Variants in PTPRJ observed in about 807,000 individuals in gnomAD.
The protein encoded by PTPRJ is protein tyrosine phosphatase receptor type J.
Under a neutral mutation model 141.3 loss-of-function variants are expected in PTPRJ, and 129 were observed. The ratio of observed to expected loss-of-function variants is 0.91; its 90% CI spans 0.79 to 1.06. The LOEUF is 1.06. PTPRJ is among the 50% of genes least tolerant of loss of function. The probability of loss-of-function intolerance (pLI) is 0.00; values close to 1 mark genes in which losing one functional copy is unlikely to be tolerated. For missense variants in PTPRJ, 1,601 were observed against 1,679.7 expected, an observed-to-expected ratio of 0.95 and a Z score of 0.82; for synonymous variants, 610 against 640.5, an observed-to-expected ratio of 0.95 and a Z score of 0.72.
At chr11:47,987,897 G>A (rs1854090992) in intron 1 of PTPRJ, among the ~76,000 whole-genome samples, 1 of 152,188 alleles carries the variant, frequency 6.6e-6, no homozygotes, top group Admixed American at 6.5e-5. Context: ...TTTTGAAAAC[G>A]AGGCAGTGTC....
intron 1 of PTPRJ, among the ~76,000 whole-genome samples, chr11:48,092,226 C>T (rs1020350983): frequency 5.1e-5 from 6 of 118,728 alleles, no homozygotes; most frequent in East Asian, 3.0e-4. Flanking sequence ...ACCTGGGAGG[C>T]GGGGGTTGCA....
At chr11:48,001,533 G>A (rs1854499438) in intron 1 of PTPRJ, among the ~76,000 whole-genome samples, 1 of 151,962 alleles carries the variant, frequency 6.6e-6, no homozygotes, top group African/African-American at 2.4e-5. Flanking sequence ...CCTCTGTGAG[G>A]TTCAGTTTTT....
At chr11:48,108,655 G>C (rs1225719418) in intron 1 of PTPRJ, among the ~76,000 whole-genome samples, 2 of 152,190 alleles carry the variant, frequency 1.3e-5, no homozygotes. Flanking sequence ...GACTTGCCTA[G>C]CTATTGACTT....
At chr11:48,061,568 T>C (rs1053907836) in intron 1 of PTPRJ, among the ~76,000 whole-genome samples, 1 of 152,144 alleles carries the variant, frequency 6.6e-6, no homozygotes, top group Non-Finnish European at 1.5e-5. Context: ...GGAAACAGTC[T>C]GAGGAAAGGC....
At chr11:48,005,982 G>A (rs899972019) in intron 1 of PTPRJ, among the ~76,000 whole-genome samples, 5 of 152,260 alleles carry the variant, frequency 3.3e-5, no homozygotes, top group South Asian at 2.1e-4. Context: ...TGGGCCAGGC[G>A]ATTGCAGTGG....
intron 1 of PTPRJ, among the ~76,000 whole-genome samples, chr11:48,070,294 G>A (rs1176124518): frequency 1.3e-5 from 2 of 152,130 alleles, no homozygotes; most frequent in African/African-American, 2.4e-5. Flanking sequence ...TTGAGGTCAC[G>A]AGTTCGAGAC....
Position 47,983,003 on chromosome 11 carries a change from G to A in PTPRJ, c.96+1995G>A, listed in dbSNP as rs565411263. Among the ~76,000 whole-genome samples the A allele has an allele frequency of 9.9e-5, 15 of 152,078 alleles. No individual in the cohort carries two copies. In the South Asian group the frequency reaches 3.1e-3, roughly 32 times the overall value. Reference sequence around the variant, plus strand: ...TCATTTTGATAATGGATATTTCAGGGAATCAGTGCATTTTTGAGCTGGACC... The same window carrying A: ...TCATTTTGATAATGGATATTTCAGGAAATCAGTGCATTTTTGAGCTGGACC... On this transcript the variant is annotated intron_variant, in intron 1 of 24. Transcript: ENST00000418331.
At chr11:48,122,100 T>TA in intron 4 of PTPRJ, among the ~76,000 whole-genome samples, 1 of 151,576 alleles carries the variant, frequency 6.6e-6, no homozygotes, top group Middle Eastern at 3.2e-3. Context: ...AAAGTAAAAA[T>TA]AAAAAACTGG....
chr11:48,077,377 A>T (rs1378009993), intron 1 of PTPRJ, among the ~76,000 whole-genome samples: 1 of 152,156 alleles, frequency 6.6e-6, no homozygotes, highest in African/African-American at 2.4e-5. Flanking sequence ...CTGAAAGAGA[A>T]GACAGGGAGA....
chr11:48,099,525 C>T (rs929714739), intron 1 of PTPRJ, among the ~76,000 whole-genome samples: 1 of 152,034 alleles, frequency 6.6e-6, no homozygotes, highest in African/African-American at 2.4e-5. Context: ...TTTGCTGACC[C>T]CTGATTTAGG....
chr11:47,987,896 C>T (rs1160901401), intron 1 of PTPRJ, among the ~76,000 whole-genome samples: 5 of 152,310 alleles, frequency 3.3e-5, no homozygotes, highest in South Asian at 4.1e-4. Flanking sequence ...ATTTTGAAAA[C>T]GAGGCAGTGT....
chr11:48,136,373 C>G, intron 9 of PTPRJ, 77 bp downstream of exon 9: 1 of 1,518,520 alleles, frequency 6.6e-7, no homozygotes, highest in Non-Finnish European at 8.9e-7. Flanking sequence ...TAAATGATGG[C>G]CAGTGTGCTT....
intron 1 of PTPRJ, among the ~76,000 whole-genome samples, chr11:48,049,674 A>T (rs1246998731): frequency 6.7e-6 from 1 of 149,490 alleles, no homozygotes; most frequent in Non-Finnish European, 1.5e-5. Context: ...AGATCGCGCC[A>T]TTGCACTCCA....
intron 21 of PTPRJ, among the ~76,000 whole-genome samples, chr11:48,157,613 A>G (rs1857644027): frequency 6.6e-6 from 1 of 152,156 alleles, no homozygotes; most frequent in Admixed American, 6.5e-5. Context: ...TGTCCCCAGG[A>G]TAGTGGGAGC....
chr11:48,104,886 G>A (rs572958631), intron 1 of PTPRJ, among the ~76,000 whole-genome samples: 119 of 152,222 alleles, frequency 7.8e-4, no homozygotes, highest in African/African-American at 2.8e-3. Flanking sequence ...GATTGACCTT[G>A]GGCTGAATCT....
At chr11:48,145,234 T>G (rs1479435403) in intron 14 of PTPRJ, 110 bp downstream of exon 14, 1 of 1,441,608 alleles carries the variant, frequency 6.9e-7, no homozygotes, top group Non-Finnish European at 9.5e-7. Context: ...AGGGTTGGTG[T>G]GCCCAGCTCT....
chr11:48,095,940 G>GC (rs1189457897), intron 1 of PTPRJ, among the ~76,000 whole-genome samples: 2 of 152,136 alleles, frequency 1.3e-5, no homozygotes, highest in Admixed American at 6.5e-5. Context: ...GCCGTGGTTG[G>GC]CCACATTGCT....
intron 23 of PTPRJ, 71 bp downstream of exon 23, chr11:48,163,689 C>T (rs571384347): frequency 6.7e-6 from 10 of 1,485,606 alleles, no homozygotes; most frequent in Non-Finnish European, 9.3e-6. Context: ...TTTACAAAAG[C>T]AAAGCCTAAG....
In PTPRJ at chr11:47,980,830, A is replaced by T. The variant is rs969644598; in HGVS notation, c.-83A>T. 2.8e-5 allele frequency: 30 copies of T among 1,056,438 alleles called. No homozygotes were observed. Among genetic ancestry groups the T allele is most frequent in the Non-Finnish European group, 3.4e-5 (30 of 878,616 alleles). The allele number at this position is 1,056,438 out of a possible 1,614,324, so 65.4% of individuals were successfully genotyped here. A position where few individuals can be genotyped will look rare whatever the true frequency, so the allele number is the denominator to read the frequency against. ...AGGAGGAGGCGAAGGAGACGGCAGG[A>T]GGCGGCGACGACGGTGCCCGGGCTC... On this transcript the variant is annotated 5_prime_UTR_variant, in exon 1 of 25. Coordinates refer to ENST00000418331, the MANE Select transcript of PTPRJ (RefSeq NM_002843.4).
Sources: allele counts gnomAD v4.1 joint callset (sites outside exome capture counted in the v4.1 genomes callset), GRCh38; gene constraint gnomAD v4.1.1; transcripts MANE v1.5; gene names NCBI Gene and HGNC (gene_info 2026-07-23, HGNC 2026-07-21).